Variants in C12orf42 observed in about 807,000 individuals in gnomAD.
C12orf42 encodes uncharacterized protein C12orf42.
C12orf42 carries 25 observed loss-of-function variants against 21.6 expected under a neutral mutation model. That is an observed-to-expected ratio of 1.16 (90% CI 0.84 to 1.62). The LOEUF is 1.62. C12orf42 is among the 40% of genes most tolerant of loss of function. The probability of loss-of-function intolerance (pLI) is 0.00; values close to 1 mark genes in which losing one functional copy is unlikely to be tolerated. For synonymous variants in C12orf42, 174 were observed against 175.0 expected (o/e 0.99, Z 0.05); for missense variants, 483 against 459.3 (o/e 1.05, Z -0.47).
At chr12:103,161,193 T>C in the C12orf42 span, among the ~76,000 whole-genome samples, 2 of 152,162 alleles carry the variant, frequency 1.3e-5, no homozygotes, top group African/African-American at 4.8e-5. Flanking sequence ...ACCCAAGTCT[T>C]GAGGAAAATC....
In C12orf42 at chr12:103,288,905, A is replaced by G. The variant is rs565943973; in HGVS notation, n.338-11695T>C. Among the ~76,000 whole-genome samples the G allele has an allele frequency of 2.2e-4, 34 of 152,352 alleles. 2 individuals carry two copies. In the South Asian group the frequency reaches 3.7e-3, roughly 17 times the overall value. Reference sequence around the variant, plus strand: ...GAATAATATAAACTTGAACAAAAAAAGTAAAATCACTCATTGCAAGGAGCA... The same window carrying G: ...GAATAATATAAACTTGAACAAAAAAGGTAAAATCACTCATTGCAAGGAGCA... On this transcript the variant is annotated intron_variant and non_coding_transcript_variant, in intron 4 of 6. Coordinates refer to the C12orf42 transcript ENST00000546526.
the C12orf42 span, among the ~76,000 whole-genome samples, chr12:103,089,115 A>AAAAAAC: frequency 6.6e-6 from 1 of 150,762 alleles, no homozygotes. Context: ...AAAAAAAAAA[A>AAAAAAC]AAAAAAAAAG....
the C12orf42 span, among the ~76,000 whole-genome samples, chr12:103,220,935 T>C: frequency 6.6e-6 from 1 of 152,258 alleles, no homozygotes; most frequent in Non-Finnish European, 1.5e-5. Context: ...TCTAACTGAC[T>C]ATTTATCTCT....
chr12:103,210,553 C>A, the C12orf42 span, among the ~76,000 whole-genome samples: 1 of 147,864 alleles, frequency 6.8e-6, no homozygotes, highest in Non-Finnish European at 1.5e-5. Context: ...CCCTTTGCCT[C>A]TTTTATGGGC....
Position 103,306,043 on chromosome 12 carries a change from G to A in C12orf42, c.562C>T (p.Gln188Ter). Residue 188 changes from glutamine (Q) to a stop codon, truncating the protein, a stop_gained, in exon 5 of 6, where the codon CAG becomes TAG. Transcript: ENST00000548883. LOFTEE classifies it high-confidence loss of function. ...GTGTGTCTACTGATGTGTATGCCCTGAGCCTCCAGGTGAACAGGATTTACT... is the reference window on the plus strand; with the variant it reads ...GTGTGTCTACTGATGTGTATGCCCTAAGCCTCCAGGTGAACAGGATTTACT... ...HSVNPVHLEA[Q>*]GIHISRHTRP... 6.2e-7 allele frequency: 1 copy of A among 1,613,980 alleles called. No homozygotes were observed. Among genetic ancestry groups the A allele is most frequent in the East Asian group, 2.2e-5 (1 of 44,884 alleles).
At chr12:103,117,392 C>A in the C12orf42 span, among the ~76,000 whole-genome samples, 1 of 152,112 alleles carries the variant, frequency 6.6e-6, no homozygotes, top group Non-Finnish European at 1.5e-5. Context: ...GTGTTTAGCC[C>A]TTTTTGCCAT....
chr12:103,116,545 A>C, the C12orf42 span, among the ~76,000 whole-genome samples: 2 of 151,976 alleles, frequency 1.3e-5, no homozygotes, highest in Non-Finnish European at 2.9e-5. Context: ...CAAATGTCTA[A>C]TTCCAGCAAG....
chr12:103,386,334 C>T (rs1217633227), intron 3 of C12orf42, among the ~76,000 whole-genome samples: 1 of 152,124 alleles, frequency 6.6e-6, no homozygotes, highest in Non-Finnish European at 1.5e-5. Flanking sequence ...ATGTGGAATA[C>T]AGTTAAGAGC....
At chr12:103,476,755 AG>A (rs1463176393) in intron 2 of C12orf42, 1 of 152,238 alleles carries the variant, frequency 6.6e-6, no homozygotes, top group Non-Finnish European at 1.5e-5. Flanking sequence ...ATGCTAGCAA[AG>A]ATGATGCTAA....
At chr12:103,180,339 C>A in the C12orf42 span, among the ~76,000 whole-genome samples, 1 of 152,124 alleles carries the variant, frequency 6.6e-6, no homozygotes, top group Non-Finnish European at 1.5e-5. Flanking sequence ...CTTGGGATGG[C>A]AATAACGAAC....
At chr12:103,498,717 G>A (rs180957768), upstream of C12orf42, among the ~76,000 whole-genome samples, 23 of 152,278 alleles carry the variant, frequency 1.5e-4, no homozygotes, top group African/African-American at 5.3e-4. Context: ...CATGGCCTTT[G>A]CAGGTACATG....
chr12:103,330,895 A>G (rs1289744574), intron 4 of C12orf42, among the ~76,000 whole-genome samples: 1 of 152,230 alleles, frequency 6.6e-6, no homozygotes, highest in African/African-American at 2.4e-5. Flanking sequence ...AAGGCAAATG[A>G]AATTGAAGTC....
chr12:103,328,914 C>T (rs2040954531), intron 4 of C12orf42, among the ~76,000 whole-genome samples: 1 of 152,210 alleles, frequency 6.6e-6, no homozygotes, highest in African/African-American at 2.4e-5. Flanking sequence ...TGATTGAGCC[C>T]TTACTCTATT....
At chr12:103,251,521 G>C (rs1269228857) in intron 10 of C12orf42, among the ~76,000 whole-genome samples, 1 of 152,134 alleles carries the variant, frequency 6.6e-6, no homozygotes, top group Non-Finnish European at 1.5e-5. Flanking sequence ...TGTAACCCAA[G>C]GGTTTTATAT....
intron 10 of C12orf42, among the ~76,000 whole-genome samples, chr12:103,250,529 A>G (rs1480270234): frequency 1.3e-5 from 2 of 152,100 alleles, no homozygotes; most frequent in African/African-American, 4.8e-5. Context: ...AACCCAGGGA[A>G]AGGAAAGGGA....
At chr12:103,280,346 G>A (rs11831795) in intron 4 of C12orf42, among the ~76,000 whole-genome samples, 4,006 of 152,238 alleles carry the variant, frequency 0.026, 156 homozygotes, top group African/African-American at 0.088. Flanking sequence ...GGCCGGGTGC[G>A]GTGGTTCATG....
At chr12:103,552,372 G>A in the C12orf42 span, among the ~76,000 whole-genome samples, 1 of 152,092 alleles carries the variant, frequency 6.6e-6, no homozygotes, top group Non-Finnish European at 1.5e-5. Context: ...AATAAACTTG[G>A]TGATGCTATC....
the C12orf42 span, among the ~76,000 whole-genome samples, chr12:103,133,930 T>A: frequency 6.6e-6 from 1 of 152,222 alleles, no homozygotes; most frequent in Non-Finnish European, 1.5e-5. Context: ...TGCTTCCCCT[T>A]CTGCCATGAT....
intron 2 of C12orf42, among the ~76,000 whole-genome samples, chr12:103,452,103 AAC>A (rs1344461631): frequency 1.3e-5 from 2 of 151,998 alleles, no homozygotes; most frequent in Admixed American, 6.6e-5. Context: ...GTCTGTGCTT[AAC>A]AGATAAATCA....
Sources: allele counts gnomAD v4.1 joint callset (sites outside exome capture counted in the v4.1 genomes callset), GRCh38; gene constraint gnomAD v4.1.1; transcripts MANE v1.5; gene names NCBI Gene and HGNC (gene_info 2026-07-23, HGNC 2026-07-21).